GSE1: variants seen among roughly 807,000 people sequenced by gnomAD.
GSE1 encodes the protein genetic suppressor element 1.
A neutral mutation model predicts 112.6 loss-of-function variants in GSE1; 32 were observed. The observed-to-expected ratio is 0.28, with a 90% CI of 0.21 to 0.38. The LOEUF (loss-of-function observed/expected upper bound fraction) is 0.38, where lower values mean the gene tolerates loss of function less well. Among genes scored for constraint, GSE1 ranks in the 10% least tolerant of loss-of-function variants. The pLI is 1.00. For missense variants in GSE1, 2,348 were observed against 1,699.2 expected, an observed-to-expected ratio of 1.38 and a Z score of -6.71; for synonymous variants, 1,115 against 735.6, an observed-to-expected ratio of 1.52 and a Z score of -8.35.
At chr16:85,218,253 T>C (rs1027715592) in intron 1 of GSE1, among the ~76,000 whole-genome samples, 3 of 151,974 alleles carry the variant, frequency 2.0e-5, no homozygotes, top group African/African-American at 7.3e-5. Context: ...TCTCCTAGGG[T>C]TTCCACTGTA....
chr16:85,239,908 T>C (rs1180161104), intron 1 of GSE1, among the ~76,000 whole-genome samples: 2 of 152,222 alleles, frequency 1.3e-5, no homozygotes, highest in South Asian at 2.1e-4. Context: ...GGAAATGTTT[T>C]TGGTCTTGGT....
intron 2 of GSE1, among the ~76,000 whole-genome samples, chr16:85,636,837 C>CT (rs1479020287): frequency 6.6e-6 from 1 of 152,192 alleles, no homozygotes; most frequent in Admixed American, 6.5e-5. Flanking sequence ...CTATGCCTGG[C>CT]TGTCAGCACG....
At chr16:85,172,646 C>T (rs8062375) in intron 1 of GSE1, among the ~76,000 whole-genome samples, 4,122 of 152,336 alleles carry the variant, frequency 0.027, 188 homozygotes, top group African/African-American at 0.095. Flanking sequence ...GCCACCGGGG[C>T]ATGGATGCTC....
intron 2 of GSE1, among the ~76,000 whole-genome samples, chr16:85,640,982 G>A (rs1458062824): frequency 2.0e-5 from 3 of 152,226 alleles, no homozygotes; most frequent in Admixed American, 6.5e-5. Flanking sequence ...CACCTATCCC[G>A]ACCCCTTCTC....
intron 2 of GSE1, among the ~76,000 whole-genome samples, chr16:85,475,312 G>C (rs1196424933): frequency 1.3e-5 from 2 of 152,234 alleles, no homozygotes; most frequent in East Asian, 3.9e-4. Flanking sequence ...TCTGTGATCA[G>C]TGCTGGGGGC....
At chr16:85,543,324 T>C (rs369966114) in intron 2 of GSE1, among the ~76,000 whole-genome samples, 3 of 152,090 alleles carry the variant, frequency 2.0e-5, no homozygotes, top group African/African-American at 7.2e-5. Context: ...TCTATAGAGA[T>C]AGCAGAGGGA....
chr16:85,418,614 T>G (rs2073020916), intron 2 of GSE1, among the ~76,000 whole-genome samples: 1 of 152,166 alleles, frequency 6.6e-6, no homozygotes. Context: ...GCCACTGCTG[T>G]CTGTGGGACG....
chr16:85,625,338 G>A (rs756415622), intron 1 of GSE1, among the ~76,000 whole-genome samples: 23 of 152,194 alleles, frequency 1.5e-4, no homozygotes, highest in Non-Finnish European at 2.9e-4. Flanking sequence ...GGACCAGTCC[G>A]TGGCCGTGAA....
chr16:85,540,298 A>T (rs3934892), intron 2 of GSE1, among the ~76,000 whole-genome samples: 38,150 of 152,116 alleles, frequency 0.25, 5,339 homozygotes, highest in Middle Eastern at 0.4. Flanking sequence ...TTGATGTTCA[A>T]TGGGCAGCAC....
At chr16:85,579,975 G>C (rs912055444) in intron 1 of GSE1, 1 of 152,322 alleles carries the variant, frequency 6.6e-6, no homozygotes, top group Non-Finnish European at 1.5e-5. Flanking sequence ...AACTGACTTA[G>C]TAGTTAGAGA....
intron 1 of GSE1, among the ~76,000 whole-genome samples, chr16:85,632,371 G>C (rs2049610793): frequency 6.6e-6 from 1 of 152,018 alleles, no homozygotes; most frequent in South Asian, 2.1e-4. Context: ...CCCTCTCTCA[G>C]GCAGTGCCCC....
At chr16:85,338,015 C>A (rs1210057886) in intron 1 of GSE1, among the ~76,000 whole-genome samples, 1 of 152,214 alleles carries the variant, frequency 6.6e-6, no homozygotes, top group African/African-American at 2.4e-5. Context: ...GGCTCTCCCT[C>A]ACCTCTGGAT....
intron 1 of GSE1, among the ~76,000 whole-genome samples, chr16:85,262,563 C>T (rs900611138): frequency 6.6e-6 from 1 of 152,346 alleles, no homozygotes; most frequent in African/African-American, 2.4e-5. Context: ...CCATTTTGGC[C>T]ATGCCATTAG....
intron 1 of GSE1, among the ~76,000 whole-genome samples, chr16:85,184,602 T>G (rs1486698635): frequency 6.6e-6 from 1 of 152,236 alleles, no homozygotes; most frequent in Non-Finnish European, 1.5e-5. Flanking sequence ...AAGCTATGCA[T>G]GTTCCTCTAA....
At chr16:85,655,497 C>T (rs1207892576) in intron 5 of GSE1, among the ~76,000 whole-genome samples, 3 of 152,272 alleles carry the variant, frequency 2.0e-5, no homozygotes, top group Non-Finnish European at 2.9e-5. Flanking sequence ...CTGGCTGAGC[C>T]GAGGGAGGTG....
intron 2 of GSE1, among the ~76,000 whole-genome samples, chr16:85,635,114 G>T (rs1023240756): frequency 3.9e-5 from 6 of 152,208 alleles, no homozygotes; most frequent in African/African-American, 9.7e-5. Flanking sequence ...TGGCAGAGGG[G>T]ACACCTGCCC....
At chr16:85,466,689 AATATATAT>A (rs56369721) in intron 2 of GSE1, among the ~76,000 whole-genome samples, 2 of 142,230 alleles carry the variant, frequency 1.4e-5, no homozygotes, top group Non-Finnish European at 3.1e-5. Flanking sequence ...AAAAAAAAGA[AATATATAT>A]ATATAGAGAG....
chr16:85,490,460 A>T (rs1157906571), intron 2 of GSE1: 1 of 152,278 alleles, frequency 6.6e-6, no homozygotes, highest in African/African-American at 2.4e-5. Flanking sequence ...TAGATCCTCA[A>T]CTTGACCTCC....
In GSE1 at chr16:85,674,749, G is replaced by A. The variant is rs951083451; in HGVS notation, c.*2210G>A. On this transcript the variant is annotated 3_prime_UTR_variant, in exon 16 of 16. Transcript: ENST00000253458. Reference sequence around the variant, plus strand: ...TTCTATGACAGCACAGGGGACAGGTGGCACACCATGAGAGGTCTGCCCAGG... The same window carrying A: ...TTCTATGACAGCACAGGGGACAGGTAGCACACCATGAGAGGTCTGCCCAGG... 1 of 152,276 alleles carries A rather than the reference G, an allele frequency of 6.6e-6. No individual in the cohort carries two copies. The highest frequency in any genetic ancestry group is 2.4e-5 in the African/African-American group (1 of 41,416). 9.4% of individuals were successfully genotyped at this position (152,276 alleles called of 1,614,324 possible).
Sources: allele counts gnomAD v4.1 joint callset (sites outside exome capture counted in the v4.1 genomes callset), GRCh38; gene constraint gnomAD v4.1.1; transcripts MANE v1.5; gene names NCBI Gene and HGNC (gene_info 2026-07-23, HGNC 2026-07-21).